DYNC1I1: variants seen among roughly 807,000 people sequenced by gnomAD.
DYNC1I1 encodes the protein dynein cytoplasmic 1 intermediate chain 1.
DYNC1I1 carries 43 observed loss-of-function variants against 86.6 expected under a neutral mutation model. The observed-to-expected ratio is 0.50, with a 90% CI of 0.39 to 0.64. The LOEUF (loss-of-function observed/expected upper bound fraction) is 0.64. Ranked by LOEUF, DYNC1I1 falls within the 30% of genes least tolerant of loss-of-function variation. The pLI is 0.00. For synonymous variants in DYNC1I1, 262 were observed against 283.7 expected (o/e 0.92, Z 0.77); for missense variants, 604 against 788.8 (o/e 0.77, Z 2.81).
intron 4 of DYNC1I1, among the ~76,000 whole-genome samples, chr7:95,824,189 G>A (rs969244892): frequency 2.7e-5 from 4 of 150,528 alleles, no homozygotes; most frequent in East Asian, 1.9e-4. Context: ...GCAGAGTTTC[G>A]TCGTGTCGCC....
At chr7:96,100,416 T>C (rs1791113511), downstream of DYNC1I1, among the ~76,000 whole-genome samples, 1 of 150,666 alleles carries the variant, frequency 6.6e-6, no homozygotes, top group Non-Finnish European at 1.5e-5. Context: ...TCCCTTTCCC[T>C]CTCTCCTTCT....
chr7:95,935,970 G>A (rs1792029953), intron 6 of DYNC1I1, among the ~76,000 whole-genome samples: 1 of 151,962 alleles, frequency 6.6e-6, no homozygotes, highest in African/African-American at 2.4e-5. Flanking sequence ...AGGATGTGGA[G>A]AAATTTCATG....
intron 6 of DYNC1I1, among the ~76,000 whole-genome samples, chr7:95,926,800 T>C (rs1346799506): frequency 1.3e-5 from 2 of 152,142 alleles, no homozygotes; most frequent in African/African-American, 2.4e-5. Context: ...GTTGACCTTG[T>C]TCTTTTATAA....
chr7:95,919,274 T>C (rs1398126749), intron 6 of DYNC1I1, among the ~76,000 whole-genome samples: 2 of 152,220 alleles, frequency 1.3e-5, no homozygotes, highest in African/African-American at 4.8e-5. Flanking sequence ...GCTGACCCTA[T>C]GTTACAGACT....
At chr7:95,920,371 A>G (rs1377378575) in intron 6 of DYNC1I1, among the ~76,000 whole-genome samples, 1 of 152,202 alleles carries the variant, frequency 6.6e-6, no homozygotes, top group Non-Finnish European at 1.5e-5. Flanking sequence ...AAAACAAGGA[A>G]TGTCTAGTGG....
At chr7:95,901,238 G>A (rs1439754977) in intron 6 of DYNC1I1, among the ~76,000 whole-genome samples, 3 of 152,186 alleles carry the variant, frequency 2.0e-5, no homozygotes, top group Non-Finnish European at 4.4e-5. Flanking sequence ...TTAGGTTGGA[G>A]CACAGTTCTT....
At chr7:96,084,442 C>CT (rs11369815) in intron 16 of DYNC1I1, among the ~76,000 whole-genome samples, 51,627 of 124,666 alleles carry the variant, frequency 0.41, 11,719 homozygotes, top group East Asian at 0.53. Flanking sequence ...TTTTTCTTTT[C>CT]TTTTTTTTTT....
At chr7:95,970,372 C>T (rs891620840) in intron 6 of DYNC1I1, among the ~76,000 whole-genome samples, 1 of 152,088 alleles carries the variant, frequency 6.6e-6, no homozygotes, top group Non-Finnish European at 1.5e-5. Context: ...GAATTTGACT[C>T]TTGTGTTTTT....
chr7:95,787,669 C>T (rs1444847854), intron 1 of DYNC1I1, among the ~76,000 whole-genome samples: 2 of 152,058 alleles, frequency 1.3e-5, no homozygotes, highest in South Asian at 2.1e-4. Context: ...GCCAATACAT[C>T]GGTGAACAAT....
At chr7:95,854,227 CT>C (rs1347617742) in intron 5 of DYNC1I1, among the ~76,000 whole-genome samples, 1 of 151,898 alleles carries the variant, frequency 6.6e-6, no homozygotes, top group Non-Finnish European at 1.5e-5. Context: ...TTCTTCCTGT[CT>C]TGCTGTGTTC....
intron 6 of DYNC1I1, among the ~76,000 whole-genome samples, chr7:95,924,780 T>C (rs1024150650): frequency 1.3e-5 from 2 of 151,870 alleles, no homozygotes; most frequent in Admixed American, 6.6e-5. Flanking sequence ...GAAGGGGGAG[T>C]ATCTGTCTGA....
intron 16 of DYNC1I1, among the ~76,000 whole-genome samples, chr7:96,085,991 T>C (rs890670175): frequency 1.3e-5 from 2 of 152,210 alleles, no homozygotes; most frequent in Admixed American, 6.5e-5. Flanking sequence ...AAACGACTCA[T>C]TGCCATGTCT....
rs77209375 is a variant in DYNC1I1, at chr7:96,071,829, A to C, written c.1510-4228A>C. On this transcript the variant is annotated intron_variant, in intron 14 of 16. Transcript: ENST00000447467. ...AAGTTACATAGTATGTGCTTAGTAA[A>C]TATTGATGGAATTGAATGGGAGAGT... is the stretch of plus-strand genomic sequence containing the variant. Among the ~76,000 whole-genome samples the C allele has an allele frequency of 6.6e-3, 999 of 152,330 alleles. 9 individuals carry two copies. Among genetic ancestry groups the C allele is most frequent in the African/African-American group, 0.023 (953 of 41,566 alleles).
At chr7:95,788,079 A>C (rs989567709) in intron 1 of DYNC1I1, among the ~76,000 whole-genome samples, 1 of 152,088 alleles carries the variant, frequency 6.6e-6, no homozygotes, top group Non-Finnish European at 1.5e-5. Flanking sequence ...AGGCTATTAC[A>C]AGGAATTTGG....
chr7:95,931,210 A>G (rs1015974912), intron 6 of DYNC1I1, among the ~76,000 whole-genome samples: 1 of 151,958 alleles, frequency 6.6e-6, no homozygotes, highest in African/African-American at 2.4e-5. Flanking sequence ...CAGTGGCGCA[A>G]TCTCGGCTCA....
intron 10 of DYNC1I1, among the ~76,000 whole-genome samples, chr7:96,002,148 C>T (rs1240700317): frequency 6.6e-6 from 1 of 152,168 alleles, no homozygotes; most frequent in Admixed American, 6.5e-5. Context: ...AGACCCTCTC[C>T]ACAAGAGCCC....
At chr7:95,844,098 A>G (rs1288366239) in intron 5 of DYNC1I1, among the ~76,000 whole-genome samples, 7 of 152,226 alleles carry the variant, frequency 4.6e-5, no homozygotes, top group African/African-American at 1.7e-4. Flanking sequence ...ACATAAGAAG[A>G]GCAGGGCTGG....
At chr7:95,788,195 C>A (rs578022213) in intron 1 of DYNC1I1, among the ~76,000 whole-genome samples, 110 of 152,188 alleles carry the variant, frequency 7.2e-4, no homozygotes, top group Admixed American at 2.8e-3. Context: ...GAATGGGCTG[C>A]AAGGGAGGCC....
chr7:96,033,373 G>C (rs768067795), intron 12 of DYNC1I1, among the ~76,000 whole-genome samples: 2 of 152,134 alleles, frequency 1.3e-5, no homozygotes, highest in South Asian at 4.1e-4. Flanking sequence ...CCAAACAAAG[G>C]AATAGAAGTG....
Sources: allele counts gnomAD v4.1 joint callset (sites outside exome capture counted in the v4.1 genomes callset), GRCh38; gene constraint gnomAD v4.1.1; transcripts MANE v1.5; gene names NCBI Gene and HGNC (gene_info 2026-07-23, HGNC 2026-07-21).